Variants in GALK2 observed in about 807,000 individuals in gnomAD.
The protein encoded by GALK2 is galactokinase 2.
A neutral mutation model predicts 52.4 loss-of-function variants in GALK2; 36 were observed. The ratio of observed to expected loss-of-function variants is 0.69; its 90% CI spans 0.53 to 0.91. The LOEUF is 0.91. GALK2 is among the 40% of genes least tolerant of loss of function. The pLI is 0.00. For missense variants in GALK2, 579 were observed against 559.1 expected, an observed-to-expected ratio of 1.04 and a Z score of -0.36; for synonymous variants, 176 against 199.1, an observed-to-expected ratio of 0.88 and a Z score of 0.98.
chr15:49,223,522 C>A (rs1218199282), intron 3 of GALK2, among the ~76,000 whole-genome samples: 1 of 152,150 alleles, frequency 6.6e-6, no homozygotes, highest in Non-Finnish European at 1.5e-5. Context: ...TCAGCCCACA[C>A]TTCCTGCCTC....
intron 3 of GALK2, among the ~76,000 whole-genome samples, chr15:49,361,073 G>A (rs933558963): frequency 6.6e-6 from 1 of 152,060 alleles, no homozygotes; most frequent in African/African-American, 2.4e-5. Flanking sequence ...TCAGTTAGGA[G>A]GGATAAATGA....
intron 3 of GALK2, chr15:49,354,135 T>C (rs995985747): frequency 3.9e-5 from 6 of 152,252 alleles, no homozygotes; most frequent in African/African-American, 1.4e-4. Flanking sequence ...TTTATTTTTA[T>C]GCTAGGATAA....
At chr15:49,360,513 T>A (rs1259416877) in intron 3 of GALK2, among the ~76,000 whole-genome samples, 1 of 152,190 alleles carries the variant, frequency 6.6e-6, no homozygotes, top group Non-Finnish European at 1.5e-5. Flanking sequence ...AATTTTTGGG[T>A]ATTCTTTGGT....
chr15:49,237,559 C>G (rs984651827), intron 4 of GALK2, among the ~76,000 whole-genome samples: 2 of 152,066 alleles, frequency 1.3e-5, no homozygotes, highest in Admixed American at 6.6e-5. Flanking sequence ...TCACTGCAAC[C>G]TCTGCCCCCG....
upstream of GALK2, among the ~76,000 whole-genome samples, chr15:49,168,718 TA>T (rs35361227): frequency 0.023 from 3,172 of 136,394 alleles, 87 homozygotes; most frequent in African/African-American, 0.065. Context: ...AAACTCCATC[TA>T]AAAAAAAAAA....
intron 4 of GALK2, 30 bp downstream of exon 4, chr15:49,235,971 A>G: frequency 8.1e-7 from 1 of 1,233,018 alleles, no homozygotes; most frequent in South Asian, 1.2e-5. Context: ...ACTTACTACC[A>G]GTTGAGATTA....
chr15:49,186,859 C>T (rs2086386513), intron 1 of GALK2, among the ~76,000 whole-genome samples: 1 of 152,104 alleles, frequency 6.6e-6, no homozygotes, highest in African/African-American at 2.4e-5. Flanking sequence ...TTTTGTTGAG[C>T]TTCCTCAAAA....
intron 3 of GALK2, among the ~76,000 whole-genome samples, chr15:49,226,451 T>C (rs559877018): frequency 5.3e-5 from 8 of 152,334 alleles, no homozygotes; most frequent in African/African-American, 1.7e-4. Context: ...GCTCAAAGTT[T>C]ATTAGTTTAC....
At chr15:49,289,681 G>A (rs1567025495) in intron 7 of GALK2, among the ~76,000 whole-genome samples, 3 of 152,080 alleles carry the variant, frequency 2.0e-5, no homozygotes, top group African/African-American at 4.8e-5. Context: ...GAAGCTCAGC[G>A]GGCCCAGACT....
chr15:49,349,393 T>G (rs2041945151), intron 3 of GALK2, among the ~76,000 whole-genome samples: 1 of 152,206 alleles, frequency 6.6e-6, no homozygotes, highest in African/African-American at 2.4e-5. Context: ...CATCAAAGTT[T>G]AGAACAGCTT....
At chr15:49,210,692 C>T (rs1467735791) in intron 2 of GALK2, among the ~76,000 whole-genome samples, 4 of 152,014 alleles carry the variant, frequency 2.6e-5, no homozygotes, top group Admixed American at 1.3e-4. Context: ...CCACCCGCCT[C>T]GGCCTCCCAG....
chr15:49,221,853 G>A (rs2089820769), intron 3 of GALK2, among the ~76,000 whole-genome samples: 1 of 151,830 alleles, frequency 6.6e-6, no homozygotes, highest in African/African-American at 2.4e-5. Context: ...CTCTTGCTTT[G>A]TTCTTTTTCC....
chr15:49,367,241 T>C (rs899848101), intron 3 of GALK2, among the ~76,000 whole-genome samples: 2 of 152,182 alleles, frequency 1.3e-5, no homozygotes, highest in Non-Finnish European at 1.5e-5. Context: ...TGTTTTATTT[T>C]TCTTACATGC....
chr15:49,221,999 G>A (rs897187797), intron 3 of GALK2, among the ~76,000 whole-genome samples: 1 of 152,038 alleles, frequency 6.6e-6, no homozygotes, highest in Non-Finnish European at 1.5e-5. Flanking sequence ...TGGGCAGTAT[G>A]TTCATTTTAA....
chr15:49,201,288 T>G (rs1459607633), intron 2 of GALK2, 38 bp downstream of exon 2: 6 of 1,143,754 alleles, frequency 5.2e-6, no homozygotes, highest in Non-Finnish European at 7.8e-6. Flanking sequence ...TTTTTCTTCA[T>G]CCTTTGATAA....
chr15:49,217,197 T>A lies in GALK2; in HGVS notation c.150T>A (p.His50Gln). The change falls in exon 3 of 10, where the codon CAT becomes CAA. Residue 50 changes from histidine (H) to glutamine (Q), a missense_variant. His to Gln is a conservative substitution (Grantham distance 24). Coordinates refer to ENST00000560031, the MANE Select transcript of GALK2 (RefSeq NM_002044.4). ...GCTTTCTCTTTTTTCTAGGAGAGCA[T>A]ATAGATTATTGTGGATATTCTGTTC... The part of the protein sequence containing the change: ...APGRVNIIGE[H>Q]IDYCGYSVLP... 1 of 1,609,600 alleles carries A rather than the reference T, an allele frequency of 6.2e-7. No individual in the cohort carries two copies. Among genetic ancestry groups the A allele is most frequent in the African/African-American group, 1.3e-5 (1 of 74,918 alleles).
intron 5 of GALK2, among the ~76,000 whole-genome samples, chr15:49,257,207 TTGTC>T (rs1195897894): frequency 2.6e-5 from 4 of 152,204 alleles, no homozygotes; most frequent in African/African-American, 4.8e-5. Flanking sequence ...CTAATAGGCT[TTGTC>T]TGTTATATAC....
At chr15:49,311,904 G>A (rs1158413698) in intron 8 of GALK2, among the ~76,000 whole-genome samples, 1 of 152,170 alleles carries the variant, frequency 6.6e-6, no homozygotes, top group Admixed American at 6.5e-5. Context: ...ATTGCCTGTG[G>A]GCCAATGGTA....
chr15:49,290,552 T>C (rs1047336267), intron 7 of GALK2, among the ~76,000 whole-genome samples: 2 of 152,218 alleles, frequency 1.3e-5, no homozygotes, highest in African/African-American at 2.4e-5. Flanking sequence ...CACACATCAC[T>C]GGCCCAGTTT....
Sources: gnomAD v4.1 joint callset for allele counts (sites outside exome capture counted in the v4.1 genomes callset) on GRCh38, gnomAD v4.1.1 for gene constraint, MANE v1.5 for transcripts, NCBI Gene and HGNC (gene_info 2026-07-23, HGNC 2026-07-21) for gene names.